CSMD1: variants seen among roughly 807,000 people sequenced by gnomAD.
CSMD1 encodes CUB and Sushi multiple domains 1.
Under a neutral mutation model 417.5 loss-of-function variants are expected in CSMD1, and 213 were observed. The ratio of observed to expected loss-of-function variants is 0.51; its 90% CI spans 0.46 to 0.57. The LOEUF (loss-of-function observed/expected upper bound fraction) is 0.57. Ranked by LOEUF, CSMD1 falls within the 20% of genes least tolerant of loss-of-function variation. The pLI, the probability that CSMD1 is intolerant of heterozygous loss-of-function variation, is 0.00. For missense variants in CSMD1, 6,923 were observed against 4,529.7 expected (o/e 1.53, Z -15.17); for synonymous variants, 2,862 against 1,736.8 (o/e 1.65, Z -16.11).
At chr8:3,298,134 C>T (rs1804110978) in intron 25 of CSMD1, among the ~76,000 whole-genome samples, 1 of 152,156 alleles carries the variant, frequency 6.6e-6, no homozygotes, top group Non-Finnish European at 1.5e-5. Context: ...TATACACCCT[C>T]TCAGGGAGTG....
intron 5 of CSMD1, among the ~76,000 whole-genome samples, chr8:3,927,099 A>G (rs574294410): frequency 6.6e-6 from 1 of 151,930 alleles, no homozygotes; most frequent in Non-Finnish European, 1.5e-5. Flanking sequence ...TTTAGGTATT[A>G]TTATCGTTTT....
At chr8:3,698,515 C>G (rs1225998124) in intron 7 of CSMD1, among the ~76,000 whole-genome samples, 3 of 152,350 alleles carry the variant, frequency 2.0e-5, no homozygotes, top group South Asian at 2.1e-4. Context: ...TGCTAGAAAT[C>G]TGGCACACGG....
At chr8:3,754,445 T>A (rs994343873) in intron 5 of CSMD1, among the ~76,000 whole-genome samples, 6 of 150,850 alleles carry the variant, frequency 4.0e-5, no homozygotes, top group African/African-American at 1.5e-4. Flanking sequence ...TATTTATTTA[T>A]TTATTTATTT....
chr8:3,051,410 A>G (rs1186319063), intron 50 of CSMD1, among the ~76,000 whole-genome samples: 1 of 152,182 alleles, frequency 6.6e-6, no homozygotes, highest in Non-Finnish European at 1.5e-5. Flanking sequence ...ACACAGACAT[A>G]AAGAAGGCAG....
At chr8:4,032,324 T>A (rs1033329320) in intron 3 of CSMD1, among the ~76,000 whole-genome samples, 13 of 152,218 alleles carry the variant, frequency 8.5e-5, no homozygotes, top group African/African-American at 3.1e-4. Context: ...AATAAATGCA[T>A]TTTGTTAAGA....
At chr8:4,068,274 A>T (rs1415061244) in intron 3 of CSMD1, among the ~76,000 whole-genome samples, 3 of 152,118 alleles carry the variant, frequency 2.0e-5, no homozygotes, top group Non-Finnish European at 2.9e-5. Context: ...CGGAGAGTTG[A>T]GAAGTCTACT....
intron 10 of CSMD1, among the ~76,000 whole-genome samples, chr8:3,499,706 C>G (rs1401529034): frequency 6.6e-6 from 1 of 151,956 alleles, no homozygotes; most frequent in South Asian, 2.1e-4. Context: ...ACTTCATGGT[C>G]TTGAGTGCTG....
intron 3 of CSMD1, among the ~76,000 whole-genome samples, chr8:4,058,585 G>A (rs181463652): frequency 2.0e-5 from 3 of 151,524 alleles, no homozygotes; most frequent in Non-Finnish European, 4.4e-5. Context: ...CAAAATAAAA[G>A]GATGGAGGAA....
intron 2 of CSMD1, among the ~76,000 whole-genome samples, chr8:4,462,196 C>T (rs1799877487): frequency 6.6e-6 from 1 of 152,024 alleles, no homozygotes; most frequent in Admixed American, 6.6e-5. Context: ...TTGTATTTAT[C>T]CACAATAGTA....
chr8:2,948,856 C>G (rs912844404), intron 68 of CSMD1, among the ~76,000 whole-genome samples: 2 of 152,032 alleles, frequency 1.3e-5, no homozygotes, highest in African/African-American at 2.4e-5. Context: ...ATTATTAAAA[C>G]TTTGTCATTC....
intron 18 of CSMD1, among the ~76,000 whole-genome samples, chr8:3,371,108 G>A (rs957728914): frequency 6.6e-6 from 1 of 152,160 alleles, no homozygotes; most frequent in African/African-American, 2.4e-5. Flanking sequence ...CAGCTCCCCT[G>A]GTTCCCAGGT....
intron 10 of CSMD1, among the ~76,000 whole-genome samples, chr8:3,527,352 A>G (rs772988643): frequency 3.2e-4 from 48 of 152,128 alleles, no homozygotes; most frequent in African/African-American, 1.1e-3. Context: ...AAGCCATTCT[A>G]AAAGGTTACA....
chr8:3,427,857 T>A (rs1405727512), intron 12 of CSMD1, among the ~76,000 whole-genome samples: 1 of 152,230 alleles, frequency 6.6e-6, no homozygotes, highest in Non-Finnish European at 1.5e-5. Flanking sequence ...GCCTGTCAAA[T>A]CGATTACTGT....
chr8:4,788,627 A>C, intron 1 of CSMD1: 1 of 830,366 alleles, frequency 1.2e-6, no homozygotes, highest in South Asian at 2.1e-5. Flanking sequence ...AAAACTACAA[A>C]TTTCTAATTT....
chr8:3,338,297 G>A (rs541243862), intron 23 of CSMD1, among the ~76,000 whole-genome samples: 18 of 152,194 alleles, frequency 1.2e-4, no homozygotes, highest in Non-Finnish European at 2.1e-4. Flanking sequence ...GGTGCTGGGC[G>A]TTTCTTGACA....
intron 1 of CSMD1, among the ~76,000 whole-genome samples, chr8:4,676,960 A>C (rs1251469734): frequency 1.4e-5 from 2 of 146,804 alleles, no homozygotes; most frequent in African/African-American, 2.5e-5. Context: ...ATATATATCT[A>C]TCATATATAA....
At chr8:3,193,890 A>T (rs1371632753) in intron 33 of CSMD1, among the ~76,000 whole-genome samples, 1 of 152,220 alleles carries the variant, frequency 6.6e-6, no homozygotes, top group Non-Finnish European at 1.5e-5. Context: ...CTACAGATAC[A>T]TGCTGCTCCT....
At chr8:3,613,710 C>T (rs56958068) in intron 8 of CSMD1, among the ~76,000 whole-genome samples, 1 of 107,298 alleles carries the variant, frequency 9.3e-6, no homozygotes, top group African/African-American at 3.6e-5. Flanking sequence ...AAAACACACA[C>T]ACACACACAC....
intron 2 of CSMD1, among the ~76,000 whole-genome samples, chr8:4,494,585 T>C (rs1274212438): frequency 1.3e-5 from 2 of 152,144 alleles, no homozygotes; most frequent in African/African-American, 4.8e-5. Flanking sequence ...TGCAAGTCAA[T>C]AAAACTTCAC....
Sources: gnomAD v4.1 joint callset for allele counts (sites outside exome capture counted in the v4.1 genomes callset) on GRCh38, gnomAD v4.1.1 for gene constraint, MANE v1.5 for transcripts, NCBI Gene and HGNC (gene_info 2026-07-23, HGNC 2026-07-21) for gene names.